NT5C2: variants seen among roughly 807,000 people sequenced by gnomAD.
The protein encoded by NT5C2 is 5'-nucleotidase, cytosolic II.
A neutral mutation model predicts 76.1 loss-of-function variants in NT5C2; 58 were observed. The observed-to-expected ratio is 0.76, with a 90% CI of 0.62 to 0.95. The LOEUF is 0.95. Ranked by LOEUF, NT5C2 falls within the 40% of genes least tolerant of loss-of-function variation. The pLI, the probability that NT5C2 is intolerant of heterozygous loss-of-function variation, is 0.00. For synonymous variants in NT5C2, 229 were observed against 237.4 expected, an observed-to-expected ratio of 0.96 and a Z score of 0.32; for missense variants, 478 against 690.3, an observed-to-expected ratio of 0.69 and a Z score of 3.45.
intron 1 of NT5C2, among the ~76,000 whole-genome samples, chr10:103,192,967 G>A (rs940456079): frequency 6.6e-6 from 1 of 152,218 alleles, no homozygotes; most frequent in South Asian, 2.1e-4. Flanking sequence ...GCGTGACGTG[G>A]GCCGGAGGCG....
intron 3 of NT5C2, among the ~76,000 whole-genome samples, chr10:103,161,909 G>A (rs1404973663): frequency 6.6e-6 from 1 of 152,140 alleles, no homozygotes. Flanking sequence ...GACTACTAAT[G>A]AGTATGAGGT....
chr10:103,101,354 A>G (rs2069589511), intron 6 of NT5C2, 28 bp from the exon 7 acceptor site: 2 of 1,230,666 alleles, frequency 1.6e-6, no homozygotes, highest in East Asian at 2.5e-5. Flanking sequence ...AAATTAACTG[A>G]TTTTTAAAAT....
Position 103,089,457 on chromosome 10 carries a change from C to T in NT5C2, c.*215G>A. 1.4e-6 allele frequency: 1 copy of T among 694,772 alleles called. No individual in the cohort carries two copies. Among genetic ancestry groups the T allele is most frequent in the South Asian group, 3.7e-5 (1 of 27,068 alleles). 43.0% of individuals were successfully genotyped at this position (694,772 alleles called of 1,614,324 possible). A position where few individuals can be genotyped will look rare whatever the true frequency, so the allele number is the denominator to read the frequency against. ...ATTTTACCCTTATTTTCTTCTAATA[C>T]AGACTCCATTACAATTTTGGACCAT... is the stretch of plus-strand genomic sequence containing the variant. On this transcript the variant is annotated 3_prime_UTR_variant, in exon 19 of 19. Transcript: ENST00000404739.
At chr10:103,108,110 G>A (rs1042049731) in intron 4 of NT5C2, among the ~76,000 whole-genome samples, 21 of 151,818 alleles carry the variant, frequency 1.4e-4, no homozygotes, top group Admixed American at 3.3e-4. Context: ...AGCCGAGACC[G>A]TGCCACTACA....
At chr10:103,112,243 C>G (rs1399870614) in intron 4 of NT5C2, among the ~76,000 whole-genome samples, 2 of 152,036 alleles carry the variant, frequency 1.3e-5, no homozygotes, top group African/African-American at 2.4e-5. Context: ...GATACAAATA[C>G]CAGAGTGGCC....
chr10:103,161,549 G>C (rs1205362786), intron 3 of NT5C2, among the ~76,000 whole-genome samples: 4 of 152,066 alleles, frequency 2.6e-5, no homozygotes, highest in Admixed American at 2.6e-4. Flanking sequence ...GATGAACCTT[G>C]AAAACACTAT....
At chr10:103,111,229 G>A (rs1260776374) in intron 4 of NT5C2, among the ~76,000 whole-genome samples, 1 of 152,086 alleles carries the variant, frequency 6.6e-6, no homozygotes, top group African/African-American at 2.4e-5. Context: ...CACAATATCT[G>A]CTTATTTCTT....
chr10:103,191,344 T>A (rs1024546638), intron 1 of NT5C2, among the ~76,000 whole-genome samples: 1 of 146,748 alleles, frequency 6.8e-6, no homozygotes, highest in Non-Finnish European at 1.5e-5. Flanking sequence ...ATCATGCCAT[T>A]GCACTCCAGC....
chr10:103,177,777 T>TA (rs2090288167), intron 2 of NT5C2, among the ~76,000 whole-genome samples: 1 of 152,176 alleles, frequency 6.6e-6, no homozygotes, highest in South Asian at 2.1e-4. Flanking sequence ...CTGTGGCTTT[T>TA]AAAAAAATAA....
At chr10:103,108,333 AT>A (rs2071952678) in intron 4 of NT5C2, among the ~76,000 whole-genome samples, 1 of 152,144 alleles carries the variant, frequency 6.6e-6, no homozygotes, top group South Asian at 2.1e-4. Flanking sequence ...TATCCATCCT[AT>A]TCTTGTAATC....
chr10:103,177,326 T>C (rs1205347858), intron 2 of NT5C2, among the ~76,000 whole-genome samples: 1 of 152,208 alleles, frequency 6.6e-6, no homozygotes, highest in African/African-American at 2.4e-5. Context: ...ATTAGGCTAT[T>C]CTTAGGTTTC....
Position 103,130,576 on chromosome 10 carries a change from T to G in NT5C2, c.175+8830A>C, listed in dbSNP as rs1370573479. Among the ~76,000 whole-genome samples, 197 of 56,364 alleles carry G rather than the reference T, an allele frequency of 3.5e-3. 1 individual carries two copies. Among genetic ancestry groups the G allele is most frequent in the Middle Eastern group, 8.6e-3 (1 of 116 alleles). 37.0% of individuals were successfully genotyped at this position (56,364 alleles called of 152,430 possible). A position where few individuals can be genotyped will look rare whatever the true frequency, so the allele number is the denominator to read the frequency against. On this transcript the variant is annotated intron_variant, in intron 4 of 18. Transcript: ENST00000404739. ...TAAAAAAATAAATTTAAAAAAAAAA[T>G]AAAAATTAAAAAAAAAAAAAAGAAA...
chr10:103,160,794 C>T (rs2084663928), intron 3 of NT5C2, among the ~76,000 whole-genome samples: 1 of 152,166 alleles, frequency 6.6e-6, no homozygotes, highest in Non-Finnish European at 1.5e-5. Flanking sequence ...GCAGGCAGAT[C>T]ACGAGGTCAA....
chr10:103,129,469 G>C (rs2077508717), intron 4 of NT5C2, among the ~76,000 whole-genome samples: 1 of 117,036 alleles, frequency 8.5e-6, no homozygotes, highest in African/African-American at 3.2e-5. Flanking sequence ...CGTCCGGGAG[G>C]GAGATGGGGG....
intron 11 of NT5C2, among the ~76,000 whole-genome samples, 173 bp from the exon 12 acceptor site, chr10:103,096,153 T>C (rs930764466): frequency 3.9e-5 from 6 of 152,198 alleles, no homozygotes; most frequent in African/African-American, 1.4e-4. Flanking sequence ...AATTAATGCT[T>C]TACCATATAC....
At chr10:103,138,307 T>C (rs1382586732) in intron 4 of NT5C2, among the ~76,000 whole-genome samples, 3 of 152,176 alleles carry the variant, frequency 2.0e-5, no homozygotes, top group Non-Finnish European at 2.9e-5. Flanking sequence ...GGGATACATA[T>C]GCAGAATGTG....
intron 3 of NT5C2, among the ~76,000 whole-genome samples, chr10:103,168,062 T>A (rs1244654267): frequency 6.6e-6 from 1 of 151,930 alleles, no homozygotes; most frequent in African/African-American, 2.4e-5. Context: ...TTCAACAGAT[T>A]TATATAAAGA....
chr10:103,151,912 G>A (rs1337846527), intron 3 of NT5C2, among the ~76,000 whole-genome samples: 1 of 152,020 alleles, frequency 6.6e-6, no homozygotes, highest in Non-Finnish European at 1.5e-5. Flanking sequence ...CATTGCTCCA[G>A]AGGCTCCTAG....
At chr10:103,172,650 AC>A (rs1047139221) in intron 3 of NT5C2, among the ~76,000 whole-genome samples, 1 of 152,128 alleles carries the variant, frequency 6.6e-6, no homozygotes, top group Non-Finnish European at 1.5e-5. Context: ...AGCCTGGCCA[AC>A]ATGGCGAAAC....
Sources: allele counts gnomAD v4.1 joint callset (sites outside exome capture counted in the v4.1 genomes callset), GRCh38; gene constraint gnomAD v4.1.1; transcripts MANE v1.5; gene names NCBI Gene and HGNC (gene_info 2026-07-23, HGNC 2026-07-21).